MED12L: variants seen among roughly 807,000 people sequenced by gnomAD.
The protein encoded by MED12L is mediator complex subunit 12L, also known as mediator of RNA polymerase II transcription subunit 12-like protein.
In MED12L, 60 loss-of-function variants were observed where a neutral mutation model predicts 281.3. The observed-to-expected ratio is 0.21, with a 90% CI of 0.17 to 0.26. MED12L has a LOEUF of 0.26. Ranked by LOEUF, MED12L falls within the 10% of genes least tolerant of loss-of-function variation. The pLI is 1.00. For synonymous variants in MED12L, 974 were observed against 987.2 expected, an observed-to-expected ratio of 0.99 and a Z score of 0.25; for missense variants, 2,146 against 2,680.9, an observed-to-expected ratio of 0.80 and a Z score of 4.41.
intron 11 of MED12L, among the ~76,000 whole-genome samples, chr3:151,173,478 A>G (rs764555595): frequency 5.9e-5 from 9 of 152,256 alleles, no homozygotes; most frequent in Admixed American, 2.6e-4. Flanking sequence ...TGTAATTGCC[A>G]TGAACAATTT....
At chr3:151,151,471 C>G (rs1249346068) in intron 5 of MED12L, among the ~76,000 whole-genome samples, 1 of 151,600 alleles carries the variant, frequency 6.6e-6, no homozygotes, top group Non-Finnish European at 1.5e-5. Context: ...TCATTTCTAG[C>G]TTTTGATTTA....
At chr3:151,358,801 T>C (rs1754258598) in intron 20 of MED12L, among the ~76,000 whole-genome samples, 1 of 152,200 alleles carries the variant, frequency 6.6e-6, no homozygotes, top group South Asian at 2.1e-4. Flanking sequence ...GTTTTTCTTA[T>C]TGCTTGCAAA....
intron 11 of MED12L, among the ~76,000 whole-genome samples, chr3:151,166,494 G>T (rs1252121212): frequency 3.3e-5 from 5 of 151,936 alleles, no homozygotes; most frequent in Non-Finnish European, 7.4e-5. Context: ...TATCTACCTA[G>T]AGAGAGAAAG....
In MED12L at chr3:151,122,958, C is replaced by T; in HGVS notation, c.380C>T (p.Ser127Phe). ...GACTTAGCAGGAAATAAGCCACTTT[C>T]TATTTTGGCAAAAAAGGTATCAAAT... is the stretch of plus-strand genomic sequence containing the variant. The part of the protein sequence containing the change: ...FSDLAGNKPL[S>F]ILAKKVPILS... Residue 127 changes from serine to phenylalanine, a missense_variant, in exon 4 of 45, where the codon TCT becomes TTT. Coordinates refer to ENST00000687756, the MANE Select transcript of MED12L (RefSeq NM_001393769.1). 1 of 1,602,230 alleles carries T rather than the reference C, an allele frequency of 6.2e-7. No homozygotes were observed. Among genetic ancestry groups the T allele is most frequent in the Non-Finnish European group, 8.5e-7 (1 of 1,175,524 alleles).
chr3:151,375,665 T>G (rs1257931709), intron 27 of MED12L, among the ~76,000 whole-genome samples: 2 of 152,146 alleles, frequency 1.3e-5, no homozygotes, highest in African/African-American at 4.8e-5. Context: ...TCCATAAAAA[T>G]TATGAAGAAC....
At chr3:151,303,352 T>C (rs1165811370) in intron 16 of MED12L, among the ~76,000 whole-genome samples, 2 of 151,878 alleles carry the variant, frequency 1.3e-5, no homozygotes, top group Non-Finnish European at 2.9e-5. Context: ...TACTAGATGA[T>C]TAAAGAGAAA....
At chr3:151,349,393 T>C (rs953429266) in intron 16 of MED12L, among the ~76,000 whole-genome samples, 1 of 152,156 alleles carries the variant, frequency 6.6e-6, no homozygotes, top group Non-Finnish European at 1.5e-5. Flanking sequence ...CGCTTTATTG[T>C]TTTGTCTTTT....
chr3:151,327,746 A>AG (rs1352323371), intron 16 of MED12L: 372 of 318,890 alleles, frequency 1.2e-3, no homozygotes, highest in South Asian at 2.0e-3. Context: ...AAAAAAAAAA[A>AG]AAAGAAAGAA....
At chr3:151,148,975 C>G (rs1718105044) in intron 5 of MED12L, among the ~76,000 whole-genome samples, 1 of 152,078 alleles carries the variant, frequency 6.6e-6, no homozygotes, top group African/African-American at 2.4e-5. Context: ...TGGCCTTTTC[C>G]CTGTTGTCAT....
chr3:151,395,000 T>C, intron 39 of MED12L, 133 bp downstream of exon 39: 2 of 1,152,142 alleles, frequency 1.7e-6, no homozygotes, highest in East Asian at 2.5e-5. Context: ...GGTCTATCTC[T>C]CTGTTACAGG....
intron 8 of MED12L, among the ~76,000 whole-genome samples, chr3:151,162,100 A>G (rs994184234): frequency 6.6e-6 from 1 of 152,202 alleles, no homozygotes; most frequent in Non-Finnish European, 1.5e-5. Context: ...TTAAAAATAT[A>G]TATATATTTT....
At chr3:151,258,900 G>A (rs1049590531) in intron 16 of MED12L, among the ~76,000 whole-genome samples, 4 of 151,932 alleles carry the variant, frequency 2.6e-5, no homozygotes, top group Admixed American at 6.6e-5. Context: ...AGGTAGAGGA[G>A]GCTTTGTGGA....
chr3:151,107,503 T>A (rs1722221386), intron 2 of MED12L, among the ~76,000 whole-genome samples: 1 of 152,132 alleles, frequency 6.6e-6, no homozygotes, highest in Admixed American at 6.5e-5. Flanking sequence ...TATTTGTTAA[T>A]CGAATGAAGG....
At chr3:151,128,484 C>A in intron 5 of MED12L, among the ~76,000 whole-genome samples, 1 of 152,120 alleles carries the variant, frequency 6.6e-6, no homozygotes, top group South Asian at 2.1e-4. Flanking sequence ...CCCCCACCCC[C>A]GGCTCCCCCC....
chr3:151,387,892 C>G lies in MED12L; in HGVS notation c.5171C>G (p.Ala1724Gly). Residue 1724 changes from alanine (A) to glycine (G), a missense_variant, in exon 37 of 45, where the codon GCC (alanine) becomes GGC (glycine). Transcript: ENST00000687756. ...AAGAACCCAGCTCCTTTGTCCTGGG[C>G]CTGGTTTGGGACAGTCCGAGTGGAC... ...GQKNPAPLSW[A>G]WFGTVRVDRR... The G allele has an allele frequency of 6.2e-7, 1 of 1,614,082 alleles. No homozygotes were observed. The highest frequency in any genetic ancestry group is 8.5e-7 in the Non-Finnish European group (1 of 1,180,000).
chr3:151,156,195 G>A lies in MED12L; in HGVS notation c.591G>A (p.Glu197=). Residue 197 remains glutamate (E), a synonymous_variant, in exon 6 of 45, where the codon GAG becomes GAA. Coordinates refer to ENST00000687756, the MANE Select transcript of MED12L (RefSeq NM_001393769.1). ...AGATATCTACCAGATATCTTCGAGA[G>A]CAGTTGGCCAAGATTTCTGACTTTT... The part of the protein sequence containing the change: ...WTQISTRYLR[E]QLAKISDFYH... The A allele has an allele frequency of 6.2e-7, 1 of 1,612,008 alleles. No homozygotes were observed. The highest frequency in any genetic ancestry group is 8.5e-7 in the Non-Finnish European group (1 of 1,179,232).
At chr3:151,158,300 C>T (rs1280793685) in intron 6 of MED12L, among the ~76,000 whole-genome samples, 1 of 152,108 alleles carries the variant, frequency 6.6e-6, no homozygotes, top group African/African-American at 2.4e-5. Flanking sequence ...GATTTTCACA[C>T]TTTTGTTAAG....
At chr3:151,108,261 AG>A (rs1158019241) in intron 2 of MED12L, among the ~76,000 whole-genome samples, 1 of 61,972 alleles carries the variant, frequency 1.6e-5, no homozygotes, top group Non-Finnish European at 3.2e-5. Flanking sequence ...GGTGGGTGGG[AG>A]GGGGGTTGTA....
intron 5 of MED12L, among the ~76,000 whole-genome samples, chr3:151,149,075 C>T (rs1718121076): frequency 1.3e-5 from 2 of 152,070 alleles, no homozygotes; most frequent in South Asian, 4.1e-4. Context: ...TGGGAGGGAA[C>T]TTGATTTGGT....
Sources: gnomAD v4.1 joint callset for allele counts (sites outside exome capture counted in the v4.1 genomes callset) on GRCh38, gnomAD v4.1.1 for gene constraint, MANE v1.5 for transcripts, NCBI Gene and HGNC (gene_info 2026-07-23, HGNC 2026-07-21) for gene names.